Variants in SMIM13 observed in about 807,000 individuals in gnomAD.
SMIM13 encodes UPF0766 protein C6orf228.
SMIM13 carries 3 observed loss-of-function variants against 5.9 expected under a neutral mutation model. That is an observed-to-expected ratio of 0.51 (90% CI 0.23 to 1.31). SMIM13 has a LOEUF of 1.31. SMIM13 is among the 40% of genes most tolerant of loss of function. The pLI is 0.18. For missense variants in SMIM13, 85 were observed against 109.9 expected, an observed-to-expected ratio of 0.77 and a Z score of 1.01; for synonymous variants, 55 against 46.0, an observed-to-expected ratio of 1.19 and a Z score of -0.79.
intron 1 of SMIM13, chr6:11,103,263 G>T (rs141469166): frequency 3.3e-4 from 55 of 166,878 alleles, no homozygotes; most frequent in African/African-American, 1.2e-3. Flanking sequence ...GGAAGTGGCT[G>T]ATCACCAGCT....
chr6:11,118,953 G>T (rs1418464316), intron 1 of SMIM13, among the ~76,000 whole-genome samples: 2 of 152,202 alleles, frequency 1.3e-5, no homozygotes, highest in South Asian at 2.1e-4. Flanking sequence ...ACTGAGTTAG[G>T]ATTCATGGAA....
rs1473055426 is a variant in SMIM13 at position 11,094,399 on chromosome 6, G to T, written c.76+10G>T. ...CTGCTGATGGTGTGCGGTGAGTGGG[G>T]GCGGTAGCCGCGAGGCAGTTCCACA... On this transcript the variant is annotated intron_variant, in intron 1 of 1. Transcript: ENST00000416247. 4.8e-5 allele frequency: 74 copies of T among 1,533,556 alleles called. No homozygotes were observed. The Admixed American group carries it at 8.5e-4, about 18-fold the overall frequency. 95.0% of individuals were successfully genotyped at this position (1,533,556 alleles called of 1,614,324 possible). A position where few individuals can be genotyped will look rare whatever the true frequency, so the allele number is the denominator to read the frequency against.
chr6:11,097,702 G>C (rs1040525311), intron 1 of SMIM13, among the ~76,000 whole-genome samples: 1 of 151,330 alleles, frequency 6.6e-6, no homozygotes, highest in South Asian at 2.1e-4. Flanking sequence ...TCCAAATACC[G>C]TACAGTCACA....
At chr6:11,095,575 C>G (rs1757912959) in intron 1 of SMIM13, among the ~76,000 whole-genome samples, 1 of 152,188 alleles carries the variant, frequency 6.6e-6, no homozygotes. Context: ...TGGTCTTGAA[C>G]TCCTGACCTC....
At chr6:11,097,103 G>T (rs1042651063) in intron 1 of SMIM13, among the ~76,000 whole-genome samples, 3 of 152,186 alleles carry the variant, frequency 2.0e-5, no homozygotes, top group Non-Finnish European at 4.4e-5. Context: ...CTCCCAAAGT[G>T]CTGGGATTAC....
Position 11,100,698 on chromosome 6 carries a change from A to G in SMIM13, c.76+6309A>G, listed in dbSNP as rs151180255. Among the ~76,000 whole-genome samples, 133 of 152,026 alleles carry G rather than the reference A, an allele frequency of 8.7e-4. 1 individual carries two copies. The East Asian group carries it at 0.024, about 28-fold the overall frequency. ...CCTGAAAATGTCTCTATTTATTTAT[A>G]TTTTACCTTTATACTTGATTGATAA... On this transcript the variant is annotated intron_variant, in intron 1 of 1. Coordinates refer to ENST00000416247, the MANE Select transcript of SMIM13 (RefSeq NM_001135575.2).
chr6:11,119,016 C>T (rs1265967794), intron 1 of SMIM13, among the ~76,000 whole-genome samples: 1 of 151,978 alleles, frequency 6.6e-6, no homozygotes, highest in Non-Finnish European at 1.5e-5. Flanking sequence ...GGGGACAATC[C>T]AGTTGATAGA....
rs577847591 is a variant in SMIM13, at chr6:11,123,449, T to A, written c.77-10954T>A. Among the ~76,000 whole-genome samples, 39 of 152,342 alleles carry A rather than the reference T, an allele frequency of 2.6e-4. No homozygotes were observed. The Middle Eastern group carries it at 0.017, about 66-fold the overall frequency. On this transcript the variant is annotated intron_variant, in intron 1 of 1. Transcript: ENST00000416247. ...GCTGCTTTATTAAAATAACAAGAGA[T>A]GAACTATGTGTGTGACTTTCTATTT... is the stretch of plus-strand genomic sequence containing the variant.
At chr6:11,113,080 C>T (rs1275672610) in intron 1 of SMIM13, among the ~76,000 whole-genome samples, 2 of 152,228 alleles carry the variant, frequency 1.3e-5, no homozygotes, top group Non-Finnish European at 2.9e-5. Context: ...ATCCACCCGC[C>T]TGGGCCTCCC....
Position 11,137,682 on chromosome 6 carries a change from C to G in SMIM13, c.*3080C>G, listed in dbSNP as rs895576897. ...ATTTCCAATTGTTCTGCCTTTGAAA[C>G]TTTTTGTGAAAATTGCCTGTACCAA... On this transcript the variant is annotated 3_prime_UTR_variant, in exon 2 of 2. Coordinates refer to ENST00000416247, the MANE Select transcript of SMIM13 (RefSeq NM_001135575.2). 7.9e-5 allele frequency: 12 copies of G among 152,124 alleles called. No individual in the cohort carries two copies. The highest frequency in any genetic ancestry group is 1.5e-4 in the Non-Finnish European group (10 of 68,000). 9.4% of individuals were successfully genotyped at this position (152,124 alleles called of 1,614,324 possible).
intron 1 of SMIM13, chr6:11,103,470 A>G (rs901955544): frequency 8.1e-6 from 5 of 618,030 alleles, no homozygotes; most frequent in African/African-American, 7.3e-5. Flanking sequence ...TCAAGAGTCC[A>G]AGACCCAATT....
chr6:11,122,423 C>T (rs1758323614), intron 1 of SMIM13, among the ~76,000 whole-genome samples: 1 of 152,214 alleles, frequency 6.6e-6, no homozygotes, highest in African/African-American at 2.4e-5. Flanking sequence ...CCCTACCTTG[C>T]TCCGACTTTG....
intron 1 of SMIM13, among the ~76,000 whole-genome samples, chr6:11,118,071 A>G (rs1023330428): frequency 2.6e-5 from 4 of 152,178 alleles, no homozygotes; most frequent in Middle Eastern, 3.2e-3. Flanking sequence ...GGGTTTCGCC[A>G]TGTTGGCTAG....
intron 1 of SMIM13, among the ~76,000 whole-genome samples, chr6:11,112,769 AGT>A (rs1264969458): frequency 1.3e-5 from 2 of 152,022 alleles, no homozygotes. Context: ...TGGACATGAG[AGT>A]GGTTTCCAGC....
At chr6:11,111,596 G>A (rs1758167769) in intron 1 of SMIM13, 1 of 152,356 alleles carries the variant, frequency 6.6e-6, no homozygotes, top group African/African-American at 2.4e-5. Context: ...TAGTAAGCAG[G>A]AGAGTGAAAG....
chr6:11,106,400 T>C (rs1758083957), intron 1 of SMIM13, among the ~76,000 whole-genome samples: 1 of 152,250 alleles, frequency 6.6e-6, no homozygotes, highest in African/African-American at 2.4e-5. Flanking sequence ...GGATTATTTA[T>C]AGTGCACAAA....
At chr6:11,117,157 A>ATTTTTTTTTTTT (rs1341431576) in intron 1 of SMIM13, among the ~76,000 whole-genome samples, 69 of 116,920 alleles carry the variant, frequency 5.9e-4, no homozygotes, top group South Asian at 2.5e-3. Flanking sequence ...CGCCCGGCTA[A>ATTTTTTTTTTTT]TTTTTGTATT....
At chr6:11,100,977 C>T (rs1243499168) in intron 1 of SMIM13, among the ~76,000 whole-genome samples, 2 of 148,524 alleles carry the variant, frequency 1.3e-5, no homozygotes, top group African/African-American at 2.5e-5. Flanking sequence ...ATTTTTTCCT[C>T]ATTTGTGGAG....
At chr6:11,126,175 G>A (rs562471162) in intron 1 of SMIM13, among the ~76,000 whole-genome samples, 5 of 152,182 alleles carry the variant, frequency 3.3e-5, no homozygotes, top group African/African-American at 9.6e-5. Flanking sequence ...TCAGCCTCCC[G>A]AGTATCTGGG....
Sources: allele counts gnomAD v4.1 joint callset (sites outside exome capture counted in the v4.1 genomes callset), GRCh38; gene constraint gnomAD v4.1.1; transcripts MANE v1.5; gene names NCBI Gene and HGNC (gene_info 2026-07-23, HGNC 2026-07-21).